Variants in ATXN1 observed in about 807,000 individuals in gnomAD.
ATXN1 encodes the protein ataxin 1.
ATXN1 carries 8 observed loss-of-function variants against 56.4 expected under a neutral mutation model. The ratio of observed to expected loss-of-function variants is 0.14; its 90% CI spans 0.08 to 0.26. The LOEUF (loss-of-function observed/expected upper bound fraction) is 0.26, where lower values mean the gene tolerates loss of function less well. Among genes scored for constraint, ATXN1 ranks in the 10% least tolerant of loss-of-function variants. ATXN1 has a pLI of 1.00. For synonymous variants in ATXN1, 514 were observed against 494.6 expected (o/e 1.04, Z -0.52); for missense variants, 987 against 1,106.5 (o/e 0.89, Z 1.53).
At chr6:16,739,518 G>T (rs890593669) in intron 2 of ATXN1, 24 of 234,238 alleles carry the variant, frequency 1.0e-4, no homozygotes, top group African/African-American at 5.1e-4. Flanking sequence ...AAATGGATGG[G>T]TGCCTTTTTT....
intron 6 of ATXN1, among the ~76,000 whole-genome samples, chr6:16,331,070 G>A (rs1396056468): frequency 3.3e-5 from 5 of 151,984 alleles, no homozygotes; most frequent in South Asian, 2.1e-4. Flanking sequence ...TGCCAATCTC[G>A]GCTCACTGCA....
chr6:16,670,077 T>C (rs1758510246), intron 2 of ATXN1, among the ~76,000 whole-genome samples: 1 of 152,248 alleles, frequency 6.6e-6, no homozygotes, highest in South Asian at 2.1e-4. Flanking sequence ...ACTAAGCCTG[T>C]TCCTGGTACC....
At chr6:16,331,418 A>T (rs1281413457) in intron 6 of ATXN1, among the ~76,000 whole-genome samples, 1 of 152,230 alleles carries the variant, frequency 6.6e-6, no homozygotes, top group Non-Finnish European at 1.5e-5. Context: ...TAAGAAAGGG[A>T]ATGCCAAACG....
intron 3 of ATXN1, among the ~76,000 whole-genome samples, chr6:16,589,769 A>T (rs1243283792): frequency 6.6e-6 from 1 of 152,238 alleles, no homozygotes; most frequent in Non-Finnish European, 1.5e-5. Flanking sequence ...GGTAAAATGT[A>T]ACAGTTTTAT....
chr6:16,757,975 G>A (rs1561842192), intron 1 of ATXN1, among the ~76,000 whole-genome samples: 1 of 151,958 alleles, frequency 6.6e-6, no homozygotes, highest in African/African-American at 2.4e-5. Context: ...TTGTCCAAAA[G>A]CACCATGCAC....
At chr6:16,331,921 C>T (rs568544071) in intron 6 of ATXN1, among the ~76,000 whole-genome samples, 1 of 152,260 alleles carries the variant, frequency 6.6e-6, no homozygotes, top group East Asian at 1.9e-4. Flanking sequence ...CTTAGTCAGC[C>T]CTGAAGACTC....
chr6:16,729,880 T>C (rs772359187), intron 2 of ATXN1, among the ~76,000 whole-genome samples: 12 of 152,252 alleles, frequency 7.9e-5, no homozygotes, highest in Non-Finnish European at 1.6e-4. Flanking sequence ...CTTAGCAGTC[T>C]GTTTGGCACA....
rs1046854905 is a variant in ATXN1, at chr6:16,759,530, G to GTTTTTTTTTTTTTTTTTTTTTT, written c.-730+1746_-730+1767dup. 6.5e-5 allele frequency among the ~76,000 whole-genome samples: 3 copies of GTTTTTTTTTTTTTTTTTTTTTT among 45,926 alleles called. 1 individual carries two copies. The highest frequency in any genetic ancestry group is 1.3e-3 in the East Asian group (2 of 1,528). 30.1% of individuals were successfully genotyped at this position (45,926 alleles called of 152,430 possible). A position where few individuals can be genotyped will look rare whatever the true frequency, so the allele number is the denominator to read the frequency against. On this transcript the variant is annotated intron_variant, in intron 1 of 7. Coordinates refer to ENST00000436367, the MANE Select transcript of ATXN1 (RefSeq NM_001128164.2). Reference sequence around the variant, plus strand: ...ATTATATAACCAGCTTCTTCCGACTGTTTTTTTTTTTTTTTTTTTTTTTTT... The same window carrying GTTTTTTTTTTTTTTTTTTTTTT: ...ATTATATAACCAGCTTCTTCCGACTGTTTTTTTTTTTTTTTTTTTTTTTTTTTTTTTTTTTTTTTTTTTTTTT...
intron 6 of ATXN1, among the ~76,000 whole-genome samples, chr6:16,392,506 T>C (rs36021268): frequency 0.1 from 15,681 of 152,106 alleles, 1,307 homozygotes; most frequent in East Asian, 0.47. Context: ...CCATTCTTTT[T>C]TTTTTTTGAG....
chr6:16,447,660 T>C (rs990805021), intron 6 of ATXN1, among the ~76,000 whole-genome samples: 2 of 152,158 alleles, frequency 1.3e-5, no homozygotes, highest in Admixed American at 1.3e-4. Context: ...CCTGGCCTAA[T>C]AGCAAAGGCG....
intron 2 of ATXN1, among the ~76,000 whole-genome samples, chr6:16,714,180 A>C (rs1759587946): frequency 9.3e-5 from 2 of 21,504 alleles, no homozygotes; most frequent in Non-Finnish European, 1.5e-4. Flanking sequence ...AAAACCACAC[A>C]CCACACACAC....
chr6:16,394,997 T>C (rs919023542), intron 6 of ATXN1, among the ~76,000 whole-genome samples: 2 of 152,136 alleles, frequency 1.3e-5, no homozygotes, highest in Non-Finnish European at 2.9e-5. Flanking sequence ...AATTAACTTA[T>C]ATAAACTTAT....
intron 6 of ATXN1, among the ~76,000 whole-genome samples, chr6:16,472,159 C>G (rs937282879): frequency 4.6e-5 from 7 of 152,158 alleles, no homozygotes; most frequent in Non-Finnish European, 8.8e-5. Flanking sequence ...GCAGCATATG[C>G]ACACCTGCGT....
intron 4 of ATXN1, among the ~76,000 whole-genome samples, chr6:16,543,458 C>T (rs955063476): frequency 6.6e-6 from 1 of 151,628 alleles, no homozygotes; most frequent in Non-Finnish European, 1.5e-5. Flanking sequence ...TGCACATATG[C>T]TAAAGGCAGG....
In ATXN1 at chr6:16,305,938, C is replaced by A; in HGVS notation, c.*391G>T. On this transcript the variant is annotated 3_prime_UTR_variant, in exon 8 of 8. Transcript: ENST00000436367. ...ACTCGCCGCCACAGCGCCTGTGCAC[C>A]CCCACATGCGTGCAACCCTGCACCC... is the stretch of plus-strand genomic sequence containing the variant. 1 of 170,134 alleles carries A rather than the reference C, an allele frequency of 5.9e-6. No individual in the cohort carries two copies. The highest frequency in any genetic ancestry group is 5.6e-5 in the Admixed American group (1 of 17,774). The allele number at this position is 170,134 out of a possible 1,614,324, so 10.5% of individuals were successfully genotyped here. A position where few individuals can be genotyped will look rare whatever the true frequency, so the allele number is the denominator to read the frequency against.
In ATXN1 at chr6:16,585,899, C is replaced by T. The variant is rs1434461100; in HGVS notation, c.-480G>A. On this transcript the variant is annotated 5_prime_UTR_variant, in exon 4 of 8. Coordinates refer to ENST00000436367, the MANE Select transcript of ATXN1 (RefSeq NM_001128164.2). The stretch of plus-strand genomic sequence containing the variant: ...GGCAGTGGAGAATCTCAGTGTAAAA[C>T]GCCTAGACCTGTAATTATAAAAACA... 6.6e-6 allele frequency: 1 copy of T among 152,162 alleles called. No individual in the cohort carries two copies. Among genetic ancestry groups the T allele is most frequent in the Admixed American group, 6.5e-5 (1 of 15,276 alleles). 9.4% of individuals were successfully genotyped at this position (152,162 alleles called of 1,614,324 possible).
chr6:16,695,711 T>C (rs190001963), intron 2 of ATXN1, among the ~76,000 whole-genome samples: 10 of 152,360 alleles, frequency 6.6e-5, no homozygotes, highest in Admixed American at 5.2e-4. Flanking sequence ...TGACTGTATT[T>C]ATTTTTATTT....
intron 5 of ATXN1, among the ~76,000 whole-genome samples, chr6:16,509,604 T>G (rs560775060): frequency 5.1e-4 from 77 of 152,270 alleles, no homozygotes; most frequent in Non-Finnish European, 3.5e-4. Context: ...TTTTCCCCAT[T>G]GCTAAGAGTA....
At chr6:16,498,041 AAGTC>A (rs1043919478) in intron 5 of ATXN1, among the ~76,000 whole-genome samples, 9 of 152,126 alleles carry the variant, frequency 5.9e-5, no homozygotes, top group Non-Finnish European at 1.3e-4. Flanking sequence ...TAAAGTGTGT[AAGTC>A]AGTGGCTTTT....
Sources: gnomAD v4.1 joint callset for allele counts (sites outside exome capture counted in the v4.1 genomes callset) on GRCh38, gnomAD v4.1.1 for gene constraint, MANE v1.5 for transcripts, NCBI Gene and HGNC (gene_info 2026-07-23, HGNC 2026-07-21) for gene names.